CEP152: variants seen among roughly 807,000 people sequenced by gnomAD.
CEP152 encodes the protein centrosomal protein of 152 kDa.
CEP152 carries 132 observed loss-of-function variants against 188.9 expected under a neutral mutation model. The ratio of observed to expected loss-of-function variants is 0.70; its 90% CI spans 0.61 to 0.81. CEP152 has a LOEUF of 0.81. CEP152 is among the 30% of genes least tolerant of loss of function. The probability of loss-of-function intolerance (pLI) is 0.00; values close to 1 mark genes in which losing one functional copy is unlikely to be tolerated. For synonymous variants in CEP152, 649 were observed against 666.6 expected, an observed-to-expected ratio of 0.97 and a Z score of 0.41; for missense variants, 1,914 against 1,969.8, an observed-to-expected ratio of 0.97 and a Z score of 0.54.
intron 1 of CEP152, among the ~76,000 whole-genome samples, chr15:48,806,700 G>A (rs998264479): frequency 1.3e-5 from 2 of 152,196 alleles, no homozygotes; most frequent in African/African-American, 4.8e-5. Context: ...CGTCTTAACA[G>A]ATACGAACTA....
At chr15:48,770,716 T>G (rs1737137300) in intron 13 of CEP152, among the ~76,000 whole-genome samples, 1 of 152,200 alleles carries the variant, frequency 6.6e-6, no homozygotes, top group African/African-American at 2.4e-5. Flanking sequence ...TTTAAAGATG[T>G]TAAATGTGCA....
rs149503215 is a variant in CEP152, at chr15:48,758,677, C to T, written c.2694+1458G>A. Among the ~76,000 whole-genome samples, 499 of 134,290 alleles carry T rather than the reference C, an allele frequency of 3.7e-3. 3 individuals carry two copies. The highest frequency in any genetic ancestry group is 0.014 in the African/African-American group (484 of 35,154). The allele number at this position is 134,290 out of a possible 152,430, so 88.1% of individuals were successfully genotyped here. On this transcript the variant is annotated intron_variant, in intron 19 of 26. Coordinates refer to ENST00000380950, the MANE Select transcript of CEP152 (RefSeq NM_001194998.2). ...GAGGTTGCAGTGAGCTGAGATTGTG[C>T]CACTGCACTCCAGCCTGGGAAACAC... is the stretch of plus-strand genomic sequence containing the variant.
Position 48,788,836 on chromosome 15 carries a change from T to C in CEP152, c.1138A>G (p.Asn380Asp), listed in dbSNP as rs549725302. The change falls in exon 9 of 27, where the codon AAT becomes GAT. Residue 380 changes from asparagine to aspartate, a missense_variant. Transcript: ENST00000380950. ...YEEQVLSLQK[N>D]LDATVTALKE... ...AGTGCGGTGACTGTGGCATCCAAATTCTTTTGTAAGGACAATACTTGCTCT... is the reference window on the plus strand; with the variant it reads ...AGTGCGGTGACTGTGGCATCCAAATCCTTTTGTAAGGACAATACTTGCTCT... 70 of 1,614,192 alleles carry C rather than the reference T, an allele frequency of 4.3e-5. No individual in the cohort carries two copies. In the South Asian group the frequency reaches 7.6e-4, roughly 17 times the overall value.
intron 12 of CEP152, among the ~76,000 whole-genome samples, chr15:48,780,906 C>G (rs576132081): frequency 1.3e-4 from 20 of 152,266 alleles, no homozygotes; most frequent in African/African-American, 4.8e-4. Context: ...CCTAGTCAGT[C>G]TCTAGCAGGA....
chr15:48,767,012 G>A, intron 17 of CEP152, 48 bp downstream of exon 17: 1 of 1,606,586 alleles, frequency 6.2e-7, no homozygotes, highest in South Asian at 1.1e-5. Context: ...ATAATACTGA[G>A]GCTTGAAGAG....
At chr15:48,739,465 G>A (rs148883186) in intron 26 of CEP152, among the ~76,000 whole-genome samples, 177 bp from the exon 27 acceptor site, 1 of 151,978 alleles carries the variant, frequency 6.6e-6, no homozygotes, top group African/African-American at 2.4e-5. Context: ...ATCAATGCTG[G>A]ACATTTAAAA....
chr15:48,752,924 T>C (rs1165394347), intron 20 of CEP152, among the ~76,000 whole-genome samples: 2 of 152,230 alleles, frequency 1.3e-5, no homozygotes, highest in African/African-American at 4.8e-5. Context: ...AAAATCATTT[T>C]AAATTTATAT....
chr15:48,738,190 G>A lies in CEP152; in HGVS notation c.*59C>T. On this transcript the variant is annotated 3_prime_UTR_variant, in exon 27 of 27. Transcript: ENST00000380950. ...GGGCTCACAATTTTTTTCAGTATGAGGTCTTCCCTTCCATTTTTGTTAATA... is the reference window on the plus strand; with the variant it reads ...GGGCTCACAATTTTTTTCAGTATGAAGTCTTCCCTTCCATTTTTGTTAATA... 1 of 1,516,494 alleles carries A rather than the reference G, an allele frequency of 6.6e-7. No individual in the cohort carries two copies. The highest frequency in any genetic ancestry group is 1.4e-5 in the African/African-American group (1 of 71,666). The allele number at this position is 1,516,494 out of a possible 1,614,324, so 93.9% of individuals were successfully genotyped here.
chr15:48,781,353 ATTC>A lies in CEP152; in HGVS notation c.1417_1419del (p.Glu473del), dbSNP rs1190409513. On this transcript the variant is annotated inframe_deletion, in exon 12 of 27. Transcript: ENST00000380950. ...GAAATTTCATCTTTTAGTTCTGTTAATTCTTCCTACAACACAAAATTATTAAAA... is the reference window on the plus strand; with the variant it reads ...GAAATTTCATCTTTTAGTTCTGTTAATTCCTACAACACAAAATTATTAAAA... 2.5e-6 allele frequency: 4 copies of A among 1,599,370 alleles called. No individual in the cohort carries two copies. The South Asian group carries it at 4.4e-5, about 18-fold the overall frequency.
At chr15:48,778,036 C>A (rs1199453574) in intron 12 of CEP152, among the ~76,000 whole-genome samples, 1 of 152,136 alleles carries the variant, frequency 6.6e-6, no homozygotes, top group East Asian at 1.9e-4. Flanking sequence ...GCTGAGAAGA[C>A]CAAAGGGAAA....
intron 18 of CEP152, 74 bp downstream of exon 18, chr15:48,762,317 T>C: frequency 7.5e-7 from 1 of 1,337,122 alleles, no homozygotes; most frequent in East Asian, 2.3e-5. Context: ...ACGAGTTCAA[T>C]GATAGCATTG....
chr15:48,788,047 C>T (rs980349340), intron 9 of CEP152, among the ~76,000 whole-genome samples: 2 of 152,140 alleles, frequency 1.3e-5, no homozygotes, highest in Admixed American at 1.3e-4. Flanking sequence ...GACTGTATTG[C>T]TGTATTGACA....
At chr15:48,797,176 C>T (rs1192424267) in intron 5 of CEP152, 125 bp downstream of exon 5, 1 of 1,105,612 alleles carries the variant, frequency 9.0e-7, no homozygotes, top group African/African-American at 1.5e-5. Flanking sequence ...TAAGTGCCCT[C>T]TCAGAACTTC....
chr15:48,735,730 T>C (rs1363249961), downstream of CEP152, among the ~76,000 whole-genome samples: 1 of 151,698 alleles, frequency 6.6e-6, no homozygotes, highest in African/African-American at 2.4e-5. Flanking sequence ...CAAGTCTCCA[T>C]CTCAAAAATA....
In CEP152 at chr15:48,739,140, C is replaced by T. The variant is rs1892781110; in HGVS notation, c.4242G>A (p.Arg1414=). ...ACAGCCTTTGTAAGTTACAAGCTGC[C>T]CTCCTCTTGGGAGCTTGTTCGCACA... is the stretch of plus-strand genomic sequence containing the variant. The part of the protein sequence containing the change: ...RTLCEQAPKR[R]AACNLQRLLE... The change falls in exon 27 of 27, where the codon AGG becomes AGA. Residue 1414 remains arginine (R), a synonymous_variant. Coordinates refer to ENST00000380950, the MANE Select transcript of CEP152 (RefSeq NM_001194998.2). 2.5e-6 allele frequency: 4 copies of T among 1,614,046 alleles called. No homozygotes were observed. The highest frequency in any genetic ancestry group is 1.3e-5 in the African/African-American group (1 of 74,940).
chr15:48,755,947 TATCTTGA>T lies in CEP152; in HGVS notation c.3294_3300del (p.Phe1098LeufsTer7), dbSNP rs1352933179. ...GCGTTTTCTACAAGCAGAGGAAGTG[TATCTTGA>T]AATGCTTTCTGTATGCAGCCCTTTA... is the stretch of plus-strand genomic sequence containing the variant. On this transcript the variant is annotated frameshift_variant, in exon 20 of 27. Transcript: ENST00000380950. LOFTEE classifies it high-confidence loss of function. 1 of 1,613,972 alleles carries T rather than the reference TATCTTGA, an allele frequency of 6.2e-7. No individual in the cohort carries two copies.
intron 1 of CEP152, among the ~76,000 whole-genome samples, chr15:48,806,996 TC>T (rs1338257090): frequency 6.6e-6 from 1 of 152,222 alleles, no homozygotes; most frequent in Non-Finnish European, 1.5e-5. Flanking sequence ...TTTTTGTTTT[TC>T]AAAGACTGAG....
intron 22 of CEP152, among the ~76,000 whole-genome samples, chr15:48,747,919 C>T (rs1893572049): frequency 6.6e-6 from 1 of 152,126 alleles, no homozygotes; most frequent in Admixed American, 6.5e-5. Context: ...TATGCCTTTT[C>T]CCTCTATCTC....
chr15:48,790,281 T>TA (rs1427236627), intron 8 of CEP152, among the ~76,000 whole-genome samples: 1 of 152,164 alleles, frequency 6.6e-6, no homozygotes, highest in African/African-American at 2.4e-5. Flanking sequence ...TACTACTTTC[T>TA]AGTGGGAAGA....
Sources: gnomAD v4.1 joint callset for allele counts (sites outside exome capture counted in the v4.1 genomes callset) on GRCh38, gnomAD v4.1.1 for gene constraint, MANE v1.5 for transcripts, NCBI Gene and HGNC (gene_info 2026-07-23, HGNC 2026-07-21) for gene names.